STAB2: variants seen among roughly 807,000 people sequenced by gnomAD.
STAB2 encodes the protein stabilin-2.
Under a neutral mutation model 338.1 loss-of-function variants are expected in STAB2, and 288 were observed. The observed-to-expected ratio is 0.85, with a 90% CI of 0.77 to 0.94. STAB2 has a LOEUF of 0.94. Ranked by LOEUF, STAB2 falls within the 40% of genes least tolerant of loss-of-function variation. STAB2 has a pLI of 0.00. For missense variants in STAB2, 3,141 were observed against 3,210.1 expected, an observed-to-expected ratio of 0.98 and a Z score of 0.52; for synonymous variants, 1,202 against 1,193.3, an observed-to-expected ratio of 1.01 and a Z score of -0.15.
intron 3 of STAB2, among the ~76,000 whole-genome samples, chr12:103,602,193 A>G (rs748778451): frequency 6.6e-6 from 1 of 152,220 alleles, no homozygotes; most frequent in African/African-American, 2.4e-5. Flanking sequence ...ATGTCATATA[A>G]TTGGAATCAT....
chr12:103,667,067 A>C (rs1809783), intron 19 of STAB2, among the ~76,000 whole-genome samples: 1 of 152,086 alleles, frequency 6.6e-6, no homozygotes, highest in Non-Finnish European at 1.5e-5. Flanking sequence ...ATTTTTGCCT[A>C]TAAGTTTATC....
rs1956847647 is a variant in STAB2 at position 103,594,509 on chromosome 12, A to G, written c.330A>G (p.Ile110Met). ...CTGGCCGCTGGGGCCCAGACTGTATAGGTAAGTGGCACAATGCTTGGACTT... is the reference window on the plus strand; with the variant it reads ...CTGGCCGCTGGGGCCCAGACTGTATGGGTAAGTGGCACAATGCTTGGACTT... ...CCPGRWGPDC[I>M]ECPGGAGSPC... The change falls in exon 3 of 69, where the codon ATA becomes ATG. Residue 110 changes from isoleucine to methionine, a missense_variant and splice_region_variant. By Grantham distance (10) the Ile-to-Met change is conservative. Transcript: ENST00000388887. The G allele has an allele frequency of 1.2e-6, 2 of 1,611,044 alleles. No individual in the cohort carries two copies.
At chr12:103,744,129 G>A (rs137881568) in intron 56 of STAB2, among the ~76,000 whole-genome samples, 3 of 142,518 alleles carry the variant, frequency 2.1e-5, no homozygotes, top group African/African-American at 8.2e-5. Context: ...TGGTGGAATT[G>A]GTACATATTT....
chr12:103,764,233 G>A lies in STAB2; in HGVS notation c.7605+625G>A, dbSNP rs143217089. Among the ~76,000 whole-genome samples the A allele has an allele frequency of 4.4e-3, 674 of 152,308 alleles. 2 individuals carry two copies. Among genetic ancestry groups the A allele is most frequent in the Non-Finnish European group, 6.9e-3 (468 of 68,022 alleles). ...CTCCCAAAGTGCTGGGATTACAGGC[G>A]TGAGCCACTGCATCTGGCCTTAGAT... On this transcript the variant is annotated intron_variant, in intron 68 of 68. Coordinates refer to ENST00000388887, the MANE Select transcript of STAB2 (RefSeq NM_017564.10).
Position 103,756,271 on chromosome 12 carries a change from A to C in STAB2, c.6987+553A>C, listed in dbSNP as rs559638013. 1.2e-4 allele frequency among the ~76,000 whole-genome samples: 19 copies of C among 152,350 alleles called. No homozygotes were observed. In the East Asian group the frequency reaches 3.1e-3, roughly 25 times the overall value. On this transcript the variant is annotated intron_variant, in intron 63 of 68. Transcript: ENST00000388887. ...AGCGAAGAGAAAGCCTCATCTGGAG[A>C]AAGGTTTGGTGCTGACTGATCAAAG...
intron 5 of STAB2, among the ~76,000 whole-genome samples, chr12:103,631,062 C>T (rs547784340): frequency 6.6e-6 from 1 of 152,334 alleles, no homozygotes; most frequent in African/African-American, 2.4e-5. Flanking sequence ...AAATGCCCTT[C>T]ATTTATCATC....
At chr12:103,751,604 T>C (rs1883658340) in intron 60 of STAB2, among the ~76,000 whole-genome samples, 1 of 152,176 alleles carries the variant, frequency 6.6e-6, no homozygotes, top group Non-Finnish European at 1.5e-5. Context: ...CAGTTGCTAC[T>C]TAGCATGGGG....
At chr12:103,614,647 T>G (rs951105975) in intron 3 of STAB2, among the ~76,000 whole-genome samples, 2 of 152,174 alleles carry the variant, frequency 1.3e-5, no homozygotes, top group African/African-American at 4.8e-5. Flanking sequence ...CTTGCTAAGT[T>G]CATCCACATC....
chr12:103,740,599 A>T (rs752157303), intron 54 of STAB2, 31 bp from the exon 55 acceptor site: 2 of 1,605,432 alleles, frequency 1.2e-6, no homozygotes, highest in South Asian at 2.2e-5. Flanking sequence ...TGCAGTGGTA[A>T]GTGAAGGGAT....
intron 28 of STAB2, among the ~76,000 whole-genome samples, chr12:103,689,008 TG>T (rs375316532): frequency 0.013 from 1,169 of 90,606 alleles, 5 homozygotes; most frequent in African/African-American, 0.046. Flanking sequence ...CCAAGTCTTT[TG>T]GTTTTTTTTT....
At chr12:103,758,034 C>T (rs1884264247) in intron 63 of STAB2, 136 bp from the exon 64 acceptor site, 2 of 1,309,466 alleles carry the variant, frequency 1.5e-6, no homozygotes, top group Non-Finnish European at 2.1e-6. Flanking sequence ...GCAGAAGACA[C>T]AGCAAAGGAG....
chr12:103,679,720 A>C (rs1453526028), intron 25 of STAB2, among the ~76,000 whole-genome samples: 1 of 152,178 alleles, frequency 6.6e-6, no homozygotes, highest in African/African-American at 2.4e-5. Context: ...CAGCACAGCA[A>C]TTCCCCCAAA....
intron 2 of STAB2, among the ~76,000 whole-genome samples, chr12:103,592,882 T>C (rs961759772): frequency 1.3e-5 from 2 of 152,154 alleles, no homozygotes; most frequent in Non-Finnish European, 2.9e-5. Context: ...CATTCCACTC[T>C]ATTTATATTC....
intron 15 of STAB2, among the ~76,000 whole-genome samples, chr12:103,658,304 G>T (rs919156120): frequency 1.3e-5 from 2 of 152,142 alleles, no homozygotes; most frequent in Admixed American, 1.3e-4. Flanking sequence ...GAAAGAATGT[G>T]TCGCACCAAA....
In STAB2 at chr12:103,733,048, C is replaced by G; in HGVS notation, c.5326C>G (p.Pro1776Ala). 1 of 1,614,046 alleles carries G rather than the reference C, an allele frequency of 6.2e-7. No homozygotes were observed. Among genetic ancestry groups the G allele is most frequent in the South Asian group, 1.1e-5 (1 of 91,066 alleles). Reference protein sequence around the residue: ...LSVITDPIHTPVTLFWPTDQA... With the variant: ...LSVITDPIHTAVTLFWPTDQA... ...TGTCATCACCGATCCCATCCACACC[C>G]CAGTCACTCTCTTCTGGCCCACCGA... The change falls in exon 51 of 69, where the codon CCA becomes GCA. Residue 1776 changes from proline (P) to alanine (A), a missense_variant. Coordinates refer to ENST00000388887, the MANE Select transcript of STAB2 (RefSeq NM_017564.10).
intron 44 of STAB2, among the ~76,000 whole-genome samples, chr12:103,719,594 C>T (rs980753244): frequency 2.0e-5 from 3 of 152,236 alleles, no homozygotes; most frequent in African/African-American, 7.2e-5. Context: ...AATCTTGCCT[C>T]CATCTTCACA....
In STAB2 at chr12:103,690,436, A is replaced by C; in HGVS notation, c.3195A>C (p.Leu1065=). 1 of 1,613,822 alleles carries C rather than the reference A, an allele frequency of 6.2e-7. No individual in the cohort carries two copies. The highest frequency in any genetic ancestry group is 8.5e-7 in the Non-Finnish European group (1 of 1,179,790). Residue 1065 remains leucine (L), a synonymous_variant, in exon 30 of 69, where the codon CTA becomes CTC. Transcript: ENST00000388887. ...NIPALIKYHM[L]LGTYRVADLQ... is the part of the protein sequence containing the mutation. ...ACTATTGTTTCAGGTACCATATGCT[A>C]CTAGGCACATACAGAGTGGCAGATC...
Position 103,598,331 on chromosome 12 carries a change from A to C in STAB2, c.331+3821A>C, listed in dbSNP as rs149993311. 6.6e-5 allele frequency among the ~76,000 whole-genome samples: 10 copies of C among 152,330 alleles called. No individual in the cohort carries two copies. In the East Asian group the frequency reaches 1.9e-3, roughly 29 times the overall value. On this transcript the variant is annotated intron_variant, in intron 3 of 68. Transcript: ENST00000388887. ...TCTCTTGTGGGGCAGGAAGTGTATT[A>C]TCTTCCTTTAAAGAAATAGACCAGC...
At chr12:103,745,883 C>T (rs1400918692) in intron 57 of STAB2, among the ~76,000 whole-genome samples, 1 of 152,232 alleles carries the variant, frequency 6.6e-6, no homozygotes, top group Non-Finnish European at 1.5e-5. Context: ...ATAGCTCGAT[C>T]CTTACTAGGT....
Sources: gnomAD v4.1 joint callset for allele counts (sites outside exome capture counted in the v4.1 genomes callset) on GRCh38, gnomAD v4.1.1 for gene constraint, MANE v1.5 for transcripts, NCBI Gene and HGNC (gene_info 2026-07-23, HGNC 2026-07-21) for gene names.